Variants in SIPA1L1 observed in about 807,000 individuals in gnomAD.
The protein encoded by SIPA1L1 is signal-induced proliferation-associated 1-like protein 1.
In SIPA1L1, 26 loss-of-function variants were observed where a neutral mutation model predicts 162.7. The observed-to-expected ratio is 0.16, with a 90% confidence interval of 0.12 to 0.22. The LOEUF (loss-of-function observed/expected upper bound fraction) is 0.22, where lower values mean the gene tolerates loss of function less well. SIPA1L1 is among the 10% of genes least tolerant of loss of function. The pLI is 1.00. For missense variants in SIPA1L1, 1,874 were observed against 2,241.0 expected, an observed-to-expected ratio of 0.84 and a Z score of 3.31; for synonymous variants, 829 against 837.4, an observed-to-expected ratio of 0.99 and a Z score of 0.17.
In SIPA1L1 at chr14:71,443,264, A is replaced by C. The variant is rs191567216; in HGVS notation, c.-464-69479A>C. On this transcript the variant is annotated intron_variant, in intron 2 of 23. Transcript: ENST00000381232. Reference sequence around the variant, plus strand: ...TGTAGTCCAGTATCTAGTGTGAAGGAGGTAATTGTTGCATCATACACAAGA... The same window carrying C: ...TGTAGTCCAGTATCTAGTGTGAAGGCGGTAATTGTTGCATCATACACAAGA... 2.0e-5 allele frequency among the ~76,000 whole-genome samples: 3 copies of C among 152,226 alleles called. No homozygotes were observed. In the East Asian group the frequency reaches 5.8e-4, roughly 29 times the overall value.
At chr14:71,447,538 A>AT (rs756646422) in intron 2 of SIPA1L1, among the ~76,000 whole-genome samples, 28 of 148,044 alleles carry the variant, frequency 1.9e-4, no homozygotes, top group Non-Finnish European at 3.7e-4. Flanking sequence ...ACTTAATCTG[A>AT]TTTTTTAAAA....
rs137937443 is a variant in SIPA1L1, at chr14:71,686,501, A to T, written c.3374+870A>T. On this transcript the variant is annotated intron_variant, in intron 13 of 23. Coordinates refer to ENST00000381232, the MANE Select transcript of SIPA1L1 (RefSeq NM_001386936.1). Reference sequence around the variant, plus strand: ...TACACTAAAGCAGTTTAATTGAATAATCTGCTAGTGGTCTGCTAGAAGTCA... The same window carrying T: ...TACACTAAAGCAGTTTAATTGAATATTCTGCTAGTGGTCTGCTAGAAGTCA... Among the ~76,000 whole-genome samples, 70 of 152,268 alleles carry T rather than the reference A, an allele frequency of 4.6e-4. 1 individual carries two copies. The East Asian group carries it at 6.0e-3, about 13-fold the overall frequency.
At chr14:71,581,114 T>C (rs768514397) in intron 4 of SIPA1L1, among the ~76,000 whole-genome samples, 3 of 148,274 alleles carry the variant, frequency 2.0e-5, no homozygotes, top group Non-Finnish European at 3.0e-5. Flanking sequence ...AAATGTTTGA[T>C]TTTTTTTTTT....
At chr14:71,615,734 C>G (rs1335227206) in intron 5 of SIPA1L1, among the ~76,000 whole-genome samples, 1 of 152,186 alleles carries the variant, frequency 6.6e-6, no homozygotes, top group Admixed American at 6.5e-5. Flanking sequence ...TGGCCCGGCA[C>G]AGTGGCTCAG....
At chr14:71,402,084 T>G (rs1304944501) in intron 2 of SIPA1L1, among the ~76,000 whole-genome samples, 2 of 152,098 alleles carry the variant, frequency 1.3e-5, no homozygotes, top group Non-Finnish European at 2.9e-5. Context: ...GTTAGCTGTA[T>G]GACGTTGGCC....
chr14:71,387,506 G>A (rs1047629637), intron 2 of SIPA1L1, among the ~76,000 whole-genome samples: 1 of 152,110 alleles, frequency 6.6e-6, no homozygotes, highest in African/African-American at 2.4e-5. Flanking sequence ...CTTTAATTCA[G>A]TAATCAAAGA....
chr14:71,484,627 T>C (rs1377610045), intron 2 of SIPA1L1, among the ~76,000 whole-genome samples: 2 of 152,166 alleles, frequency 1.3e-5, no homozygotes, highest in African/African-American at 4.8e-5. Context: ...AGAATCAGGA[T>C]TGAAATCTAG....
intron 2 of SIPA1L1, among the ~76,000 whole-genome samples, chr14:71,399,029 A>G (rs151122903): frequency 1.4e-3 from 211 of 152,306 alleles, no homozygotes; most frequent in Non-Finnish European, 2.5e-3. Context: ...GGGTGGAGAT[A>G]GATCTCAGCT....
intron 17 of SIPA1L1, among the ~76,000 whole-genome samples, chr14:71,720,599 T>A (rs2083636670): frequency 6.6e-6 from 1 of 152,130 alleles, no homozygotes; most frequent in East Asian, 1.9e-4. Context: ...TTGAGGCTAT[T>A]TTCTAGCTCT....
chr14:71,708,322 CT>C (rs1174900047), intron 16 of SIPA1L1, among the ~76,000 whole-genome samples: 371 of 137,406 alleles, frequency 2.7e-3, no homozygotes, highest in Middle Eastern at 3.7e-3. Context: ...TTCTTTCTTT[CT>C]TTTTTTTTTT....
At chr14:71,734,623 G>A (rs192473059) in intron 21 of SIPA1L1, among the ~76,000 whole-genome samples, 22 of 152,162 alleles carry the variant, frequency 1.4e-4, no homozygotes, top group Middle Eastern at 3.4e-3. Context: ...GAATCTGTAC[G>A]TCGGGCAACC....
chr14:71,655,828 CTTG>C (rs1389278074), intron 8 of SIPA1L1, among the ~76,000 whole-genome samples: 1 of 151,498 alleles, frequency 6.6e-6, no homozygotes, highest in Non-Finnish European at 1.5e-5. Context: ...TTGTTTTTTT[CTTG>C]TTGATTTGCT....
chr14:71,573,484 C>G (rs966259126), intron 4 of SIPA1L1: 3 of 445,702 alleles, frequency 6.7e-6, no homozygotes, highest in African/African-American at 6.1e-5. Context: ...CTTTTGGGAA[C>G]CAAGGATGTG....
chr14:71,476,611 T>C (rs2047873622), intron 2 of SIPA1L1, among the ~76,000 whole-genome samples: 1 of 152,066 alleles, frequency 6.6e-6, no homozygotes, highest in African/African-American at 2.4e-5. Context: ...TTTAAAACTT[T>C]TTTGTGCCTC....
intron 22 of SIPA1L1, among the ~76,000 whole-genome samples, chr14:71,736,341 G>A (rs2085290844): frequency 6.6e-6 from 1 of 152,182 alleles, no homozygotes; most frequent in Admixed American, 6.5e-5. Flanking sequence ...AGGTTGCAGT[G>A]AGCCAAGATC....
At chr14:71,684,800 T>C (rs1386769867) in intron 12 of SIPA1L1, among the ~76,000 whole-genome samples, 2 of 151,280 alleles carry the variant, frequency 1.3e-5, no homozygotes, top group Admixed American at 6.6e-5. Context: ...GCTCAGTCAC[T>C]GTATGCATTG....
chr14:71,730,446 C>G (rs1395309931), intron 20 of SIPA1L1, 145 bp downstream of exon 20: 3 of 920,728 alleles, frequency 3.3e-6, no homozygotes, highest in East Asian at 5.0e-5. Context: ...CTCATTTGCC[C>G]TCTCTCTCCT....
intron 2 of SIPA1L1, among the ~76,000 whole-genome samples, chr14:71,457,149 T>A (rs1016109145): frequency 3.9e-5 from 6 of 152,156 alleles, no homozygotes; most frequent in African/African-American, 1.4e-4. Context: ...TGACTTTTAT[T>A]TCCTGCCTTC....
chr14:71,537,666 C>T (rs2054023492), intron 4 of SIPA1L1, among the ~76,000 whole-genome samples: 1 of 152,060 alleles, frequency 6.6e-6, no homozygotes, highest in African/African-American at 2.4e-5. Context: ...ATCTTTTTTC[C>T]CCTGCATCTT....
Sources: allele counts gnomAD v4.1 joint callset (sites outside exome capture counted in the v4.1 genomes callset), GRCh38; gene constraint gnomAD v4.1.1; transcripts MANE v1.5; gene names NCBI Gene and HGNC (gene_info 2026-07-23, HGNC 2026-07-21).